B3GALT1: variants seen among roughly 807,000 people sequenced by gnomAD.
B3GALT1 encodes beta-1,3-galactosyltransferase 1.
A neutral mutation model predicts 23.2 loss-of-function variants in B3GALT1; 10 were observed. The ratio of observed to expected loss-of-function variants is 0.43; its 90% confidence interval spans 0.27 to 0.73. The LOEUF is 0.73. B3GALT1 is among the 30% of genes least tolerant of loss of function. The pLI, the probability that B3GALT1 is intolerant of heterozygous loss-of-function variation, is 0.21. For missense variants in B3GALT1, 299 were observed against 405.4 expected, an observed-to-expected ratio of 0.74 and a Z score of 2.25; for synonymous variants, 156 against 141.5, an observed-to-expected ratio of 1.10 and a Z score of -0.73.
chr2:167,559,355 A>G (rs899826111), intron 2 of B3GALT1, among the ~76,000 whole-genome samples: 1 of 151,726 alleles, frequency 6.6e-6, no homozygotes, highest in Admixed American at 6.6e-5. Flanking sequence ...AAAGATGGGG[A>G]AAAAACAGAG....
chr2:167,739,447 C>G (rs1687543244), intron 3 of B3GALT1, among the ~76,000 whole-genome samples: 1 of 152,174 alleles, frequency 6.6e-6, no homozygotes, highest in Non-Finnish European at 1.5e-5. Context: ...GTCAAAGATT[C>G]TTCCTGAAGA....
At chr2:167,742,041 C>G (rs13424531) in intron 3 of B3GALT1, among the ~76,000 whole-genome samples, 1 of 152,068 alleles carries the variant, frequency 6.6e-6, no homozygotes, top group Non-Finnish European at 1.5e-5. Context: ...CAGACTCTAA[C>G]GACTCCAAAT....
At chr2:167,752,498 A>G (rs937014145) in intron 3 of B3GALT1, among the ~76,000 whole-genome samples, 1 of 151,716 alleles carries the variant, frequency 6.6e-6, no homozygotes, top group Non-Finnish European at 1.5e-5. Flanking sequence ...AAACTTTCCA[A>G]AAAGAGGTAC....
chr2:167,800,249 G>A (rs1441825040), intron 3 of B3GALT1, among the ~76,000 whole-genome samples: 2 of 152,152 alleles, frequency 1.3e-5, no homozygotes, highest in Non-Finnish European at 2.9e-5. Context: ...GGAGAAACAT[G>A]GAACATACAA....
intron 1 of B3GALT1, among the ~76,000 whole-genome samples, chr2:167,341,696 C>G (rs7577381): frequency 7.6e-4 from 116 of 152,220 alleles, no homozygotes; most frequent in African/African-American, 2.5e-3. Flanking sequence ...TCAGCCTTTT[C>G]TCTTACAAAT....
intron 4 of B3GALT1, among the ~76,000 whole-genome samples, chr2:167,852,796 C>G (rs1689929536): frequency 6.6e-6 from 1 of 152,138 alleles, no homozygotes; most frequent in African/African-American, 2.4e-5. Context: ...GCAAAGGACT[C>G]TTGTTGAAGC....
At chr2:167,559,247 G>T (rs1440595078) in intron 2 of B3GALT1, among the ~76,000 whole-genome samples, 1 of 152,128 alleles carries the variant, frequency 6.6e-6, no homozygotes, top group East Asian at 1.9e-4. Flanking sequence ...GCAGCTGAGG[G>T]TCCTGTCTGT....
chr2:167,320,270 A>G (rs941819865), intron 1 of B3GALT1, among the ~76,000 whole-genome samples: 8 of 151,116 alleles, frequency 5.3e-5, no homozygotes, highest in Non-Finnish European at 1.2e-4. Context: ...GCTCACTGCA[A>G]CCTGTGCCTA....
chr2:167,865,518 A>G (rs1690193928), intron 4 of B3GALT1, among the ~76,000 whole-genome samples: 1 of 152,184 alleles, frequency 6.6e-6, no homozygotes, highest in Non-Finnish European at 1.5e-5. Context: ...GGGGCCGGGC[A>G]CAGTGGCTCA....
chr2:167,672,428 G>A (rs1413506334), intron 3 of B3GALT1, among the ~76,000 whole-genome samples: 1 of 152,108 alleles, frequency 6.6e-6, no homozygotes, highest in African/African-American at 2.4e-5. Flanking sequence ...AAAATGCACA[G>A]CCCTAATGGA....
chr2:167,762,152 G>C (rs925449813), intron 3 of B3GALT1, among the ~76,000 whole-genome samples: 1 of 152,122 alleles, frequency 6.6e-6, no homozygotes, highest in African/African-American at 2.4e-5. Flanking sequence ...TGAACACCCA[G>C]GAGTTTTCAA....
At chr2:167,780,449 T>C (rs1688228041) in intron 3 of B3GALT1, among the ~76,000 whole-genome samples, 1 of 152,254 alleles carries the variant, frequency 6.6e-6, no homozygotes, top group Non-Finnish European at 1.5e-5. Context: ...GCTATTATGA[T>C]GGCATCTATA....
intron 1 of B3GALT1, among the ~76,000 whole-genome samples, chr2:167,471,800 T>C (rs768162045): frequency 3.3e-5 from 5 of 152,200 alleles, no homozygotes; most frequent in African/African-American, 4.8e-5. Context: ...GTGGCTTACA[T>C]GGTCCATTAG....
chr2:167,747,811 G>A (rs989044338), intron 3 of B3GALT1, among the ~76,000 whole-genome samples: 1 of 152,172 alleles, frequency 6.6e-6, no homozygotes, highest in Admixed American at 6.5e-5. Context: ...GTCAGAATGG[G>A]CTAGAGGTTG....
chr2:167,383,030 C>T (rs1697866468), intron 1 of B3GALT1, among the ~76,000 whole-genome samples: 2 of 152,220 alleles, frequency 1.3e-5, no homozygotes, highest in South Asian at 4.1e-4. Flanking sequence ...TAAAAATGTA[C>T]TGTACTTGGA....
intron 3 of B3GALT1, among the ~76,000 whole-genome samples, chr2:167,667,473 A>G (rs1046597632): frequency 1.3e-5 from 2 of 151,884 alleles, no homozygotes; most frequent in African/African-American, 2.4e-5. Flanking sequence ...TGTTCTCTGT[A>G]TTTCCTGAAT....
chr2:167,337,597 C>A (rs566745090), intron 1 of B3GALT1, among the ~76,000 whole-genome samples: 3 of 151,462 alleles, frequency 2.0e-5, no homozygotes, highest in African/African-American at 7.3e-5. Context: ...AAAAAAAACA[C>A]ACAACAAAGA....
At chr2:167,758,621 T>C in intron 3 of B3GALT1, among the ~76,000 whole-genome samples, 1 of 152,118 alleles carries the variant, frequency 6.6e-6, no homozygotes, top group East Asian at 1.9e-4. Context: ...CTAACACTCC[T>C]CTTCCCTCAT....
intron 1 of B3GALT1, among the ~76,000 whole-genome samples, chr2:167,479,665 G>T (rs1382449735): frequency 6.6e-6 from 1 of 152,068 alleles, no homozygotes; most frequent in Non-Finnish European, 1.5e-5. Context: ...CTATCTCAAA[G>T]TGATCCTCTT....
Sources: allele counts gnomAD v4.1 joint callset (sites outside exome capture counted in the v4.1 genomes callset), GRCh38; gene constraint gnomAD v4.1.1; transcripts MANE v1.5; gene names NCBI Gene and HGNC (gene_info 2026-07-23, HGNC 2026-07-21).